Variants in RITA1 observed in about 807,000 individuals in gnomAD.
RITA1 encodes RBPJ interacting and tubulin associated 1.
A neutral mutation model predicts 8.7 loss-of-function variants in RITA1; 15 were observed. That is an observed-to-expected ratio of 1.72 (90% confidence interval 1.15 to 2.65). RITA1 has a LOEUF of 2.65. Ranked by LOEUF, RITA1 falls within the 30% of genes most tolerant of loss-of-function variation. RITA1 has a pLI of 0.00. For missense variants in RITA1, 330 were observed against 363.8 expected (o/e 0.91, Z 0.76); for synonymous variants, 145 against 156.2 (o/e 0.93, Z 0.53).
rs566055262 is a variant in RITA1 at position 113,189,970 on chromosome 12, G to A, written c.303-1340G>A. ...GAGGATTACTTGAGCTCAGGAGTTC[G>A]CAGCTGCAGCGAGCGTCACTGCACT... is the stretch of plus-strand genomic sequence containing the variant. On this transcript the variant is annotated intron_variant, in intron 3 of 3. Transcript: ENST00000548278. Among the ~76,000 whole-genome samples the A allele has an allele frequency of 2.6e-4, 39 of 150,880 alleles. No individual in the cohort carries two copies. In the South Asian group the frequency reaches 8.2e-3, roughly 32 times the overall value.
chr12:113,191,272 C>T lies in RITA1; in HGVS notation c.303-38C>T, dbSNP rs755098626. 1.2e-5 allele frequency: 18 copies of T among 1,492,876 alleles called. No homozygotes were observed. The highest frequency in any genetic ancestry group is 1.3e-5 in the Non-Finnish European group (15 of 1,124,794). The allele number at this position is 1,492,876 out of a possible 1,614,324, so 92.5% of individuals were successfully genotyped here. On this transcript the variant is annotated intron_variant, in intron 3 of 3. Coordinates refer to ENST00000548278, the MANE Select transcript of RITA1 (RefSeq NM_032848.3). This position sits in a 1 kb window ranked among gnomAD's most constrained non-coding sequence, Gnocchi z 4.0. ...GCTGTTAAAGTTTTGAGGGGTTGTTCATCCCCCAGCTCATGGCGTTTATCT... is the reference window on the plus strand; with the variant it reads ...GCTGTTAAAGTTTTGAGGGGTTGTTTATCCCCCAGCTCATGGCGTTTATCT...
At chr12:113,186,567 T>C in intron 2 of RITA1, 116 bp from the exon 3 acceptor site, 6 of 1,407,466 alleles carry the variant, frequency 4.3e-6, no homozygotes, top group South Asian at 1.6e-5. Flanking sequence ...CAGCTCCCCT[T>C]TGAGAGACTG....
At position 113,185,782 on chromosome 12, in the gene RITA1, C is replaced by T; in HGVS notation, c.-436C>T. ...GTGCTGGGTTCTGGGTTTCTGGATTCGCGGGCCGTTCACACGTAGCCTGTG... is the reference window on the plus strand; with the variant it reads ...GTGCTGGGTTCTGGGTTTCTGGATTTGCGGGCCGTTCACACGTAGCCTGTG... On this transcript the variant is annotated 5_prime_UTR_variant, in exon 1 of 4. Coordinates refer to ENST00000548278, the MANE Select transcript of RITA1 (RefSeq NM_032848.3). The T allele has an allele frequency of 1.6e-6, 1 of 612,318 alleles. No individual in the cohort carries two copies. The highest frequency in any genetic ancestry group is 2.8e-6 in the Non-Finnish European group (1 of 352,980). The allele number at this position is 612,318 out of a possible 1,614,324, so 37.9% of individuals were successfully genotyped here. A position where few individuals can be genotyped will look rare whatever the true frequency, so the allele number is the denominator to read the frequency against.
rs779536352 is a variant in RITA1 at position 113,186,821 on chromosome 12, C to G, written c.75C>G (p.Tyr25Ter). Residue 25 changes from tyrosine to a stop codon, truncating the protein, a stop_gained, in exon 3 of 4, where the codon TAC becomes TAG. Transcript: ENST00000548278. LOFTEE classifies it high-confidence loss of function. The part of the protein sequence containing the change: ...LGLQHRCRGG[Y>*]RVKARTSYVD... ...TTCAGCACCGCTGCCGAGGTGGCTA[C>G]CGGGTCAAGGCCAGGACGTCATATG... 1.9e-6 allele frequency: 3 copies of G among 1,613,898 alleles called. No individual in the cohort carries two copies. Among genetic ancestry groups the G allele is most frequent in the Non-Finnish European group, 2.5e-6 (3 of 1,179,986 alleles).
chr12:113,188,787 C>CTTTT lies in RITA1; in HGVS notation c.302+1777_302+1780dup, dbSNP rs760372956. Among the ~76,000 whole-genome samples the CTTTT allele has an allele frequency of 2.5e-4, 18 of 73,190 alleles. 4 individuals are homozygous for CTTTT. Among genetic ancestry groups the CTTTT allele is most frequent in the East Asian group, 1.3e-3 (3 of 2,344 alleles). The allele number at this position is 73,190 out of a possible 152,430, so 48.0% of individuals were successfully genotyped here. On this transcript the variant is annotated intron_variant, in intron 3 of 3. Coordinates refer to ENST00000548278, the MANE Select transcript of RITA1 (RefSeq NM_032848.3). ...TATAATGTTATTTAGCCTTAGTTAC[C>CTTTT]TTTTTTTTTTTTTTTTTTTTTTTTT...
Position 113,186,712 on chromosome 12 carries a change from G to A in RITA1, c.-35G>A, listed in dbSNP as rs1324379426. The A allele has an allele frequency of 1.2e-6, 2 of 1,605,072 alleles. No homozygotes were observed. Among genetic ancestry groups the A allele is most frequent in the South Asian group, 2.2e-5 (2 of 90,808 alleles). On this transcript the variant is annotated 5_prime_UTR_variant, in exon 3 of 4. Transcript: ENST00000548278. ...CCTCGGAAGCAGGGCCTGGCCGGCA[G>A]AGCACACCTGCTGTCACCAGGGACC... is the stretch of plus-strand genomic sequence containing the variant.
At position 113,192,055 on chromosome 12, in the gene RITA1, G is replaced by T. The variant is rs917189271; in HGVS notation, c.*238G>T. 4.5e-5 allele frequency: 24 copies of T among 531,872 alleles called. No homozygotes were observed. Among genetic ancestry groups the T allele is most frequent in the African/African-American group, 2.9e-4 (15 of 52,470 alleles). 32.9% of individuals were successfully genotyped at this position (531,872 alleles called of 1,614,324 possible). On this transcript the variant is annotated 3_prime_UTR_variant, in exon 4 of 4. Transcript: ENST00000548278. ...CTCTAAGATGCCTCTCTCCAGCCCT[G>T]TCTCAACCATACTCCAAATTAGTGC...
At position 113,191,763 on chromosome 12, in the gene RITA1, A is replaced by G. The variant is rs752417975; in HGVS notation, c.756A>G (p.Pro252=). 3.1e-6 allele frequency: 5 copies of G among 1,613,130 alleles called. No individual in the cohort carries two copies. In the East Asian group the frequency reaches 1.1e-4, roughly 36 times the overall value. ...CTCGCTCAGTTAGCATTTCAGTGCC[A>G]TCTACCCCACGACGAGGTGGGGCCA... ...SRARSVSISV[P]STPRRGGATQ... The change falls in exon 4 of 4, where the codon CCA becomes CCG. Residue 252 remains proline (P), a synonymous_variant. Transcript: ENST00000548278. The surrounding 1 kb of genome is among the most constrained non-coding windows in gnomAD (Gnocchi z 4.0).
At position 113,186,771 on chromosome 12, in the gene RITA1, G is replaced by T; in HGVS notation, c.25G>T (p.Val9Phe). 2 of 1,613,430 alleles carry T rather than the reference G, an allele frequency of 1.2e-6. No homozygotes were observed. The highest frequency in any genetic ancestry group is 4.5e-5 in the East Asian group (2 of 44,870). The change falls in exon 3 of 4, where the codon GTC becomes TTC. Residue 9 changes from valine to phenylalanine, a missense_variant. Coordinates refer to ENST00000548278, the MANE Select transcript of RITA1 (RefSeq NM_032848.3). Reference protein sequence around the residue: MKTPVELAVSGMQTLGLQH... With the variant: MKTPVELAFSGMQTLGLQH... ...CATGAAGACCCCCGTGGAGCTGGCCGTCAGTGGGATGCAGACCCTCGGCCT... is the reference window on the plus strand; with the variant it reads ...CATGAAGACCCCCGTGGAGCTGGCCTTCAGTGGGATGCAGACCCTCGGCCT...
Position 113,185,921 on chromosome 12 carries a change from C to A in RITA1, c.-297C>A, listed in dbSNP as rs1952530468. On this transcript the variant is annotated 5_prime_UTR_variant, in exon 1 of 4. Coordinates refer to ENST00000548278, the MANE Select transcript of RITA1 (RefSeq NM_032848.3). Reference sequence around the variant, plus strand: ...AGATTGACGGGGATCCCGGATGCACCGCGCGCCCCCGCGCCCTCACCGACG... The same window carrying A: ...AGATTGACGGGGATCCCGGATGCACAGCGCGCCCCCGCGCCCTCACCGACG... 6.7e-7 allele frequency: 1 copy of A among 1,494,946 alleles called. No homozygotes were observed. Among genetic ancestry groups the A allele is most frequent in the Non-Finnish European group, 9.0e-7 (1 of 1,113,896 alleles). The allele number at this position is 1,494,946 out of a possible 1,614,324, so 92.6% of individuals were successfully genotyped here. A position where few individuals can be genotyped will look rare whatever the true frequency, so the allele number is the denominator to read the frequency against.
rs1381439770 is a variant in RITA1 at position 113,191,095 on chromosome 12, G to C, written c.303-215G>C. Reference sequence around the variant, plus strand: ...GGAATGGGGTCAGGATGCAGGGGCAGTGGATGTTTCGCAGGGAAAATCAGC... The same window carrying C: ...GGAATGGGGTCAGGATGCAGGGGCACTGGATGTTTCGCAGGGAAAATCAGC... On this transcript the variant is annotated intron_variant, in intron 3 of 3. Coordinates refer to ENST00000548278, the MANE Select transcript of RITA1 (RefSeq NM_032848.3). This position sits in a 1 kb window ranked among gnomAD's most constrained non-coding sequence, Gnocchi z 4.0. Among the ~76,000 whole-genome samples the C allele has an allele frequency of 1.3e-5, 2 of 152,224 alleles. No homozygotes were observed. The highest frequency in any genetic ancestry group is 4.8e-5 in the African/African-American group (2 of 41,466).
At chr12:113,190,341 A>T (rs980390744) in intron 3 of RITA1, among the ~76,000 whole-genome samples, 1 of 151,054 alleles carries the variant, frequency 6.6e-6, no homozygotes, top group African/African-American at 2.4e-5. Flanking sequence ...CAGAAAAAAA[A>T]AGAAAAAGAA....
Position 113,185,949 on chromosome 12 carries a change from T to A in RITA1, c.-269T>A, listed in dbSNP as rs1270951549. 5.9e-6 allele frequency: 9 copies of A among 1,534,212 alleles called. No homozygotes were observed. The East Asian group carries it at 1.7e-4, about 29-fold the overall frequency. On this transcript the variant is annotated 5_prime_UTR_variant, in exon 1 of 4. Coordinates refer to ENST00000548278, the MANE Select transcript of RITA1 (RefSeq NM_032848.3). Reference sequence around the variant, plus strand: ...GCGCCCCCGCGCCCTCACCGACGGGTCCAGACCTGGTGGGAAGAAGGTGCG... The same window carrying A: ...GCGCCCCCGCGCCCTCACCGACGGGACCAGACCTGGTGGGAAGAAGGTGCG...
At position 113,191,845 on chromosome 12, in the gene RITA1, G is replaced by A; in HGVS notation, c.*28G>A. 6.4e-7 allele frequency: 1 copy of A among 1,564,518 alleles called. No homozygotes were observed. The highest frequency in any genetic ancestry group is 2.2e-5 in the East Asian group (1 of 44,446). On this transcript the variant is annotated 3_prime_UTR_variant, in exon 4 of 4. Transcript: ENST00000548278. This position sits in a 1 kb window ranked among gnomAD's most constrained non-coding sequence, Gnocchi z 4.0. ...CTCTTTCATCAGGGTTGCCTATGGG[G>A]CCACGGCGACAGGTATGGCCCCTTG... is the stretch of plus-strand genomic sequence containing the variant.
At position 113,191,651 on chromosome 12, in the gene RITA1, C is replaced by T. The variant is rs1421174326; in HGVS notation, c.644C>T (p.Thr215Ile). ...GTCCCCAGCACTGGTCATCCAGCCA[C>T]CAGTGCCCCCCACACAAATGGGCCT... ...LNVPSTGHPA[T>I]SAPHTNGPQD... Residue 215 changes from threonine to isoleucine, a missense_variant, in exon 4 of 4, where the codon ACC becomes ATC. Thr to Ile is a moderately conservative substitution (Grantham distance 89). Transcript: ENST00000548278. The surrounding 1 kb of genome is among the most constrained non-coding windows in gnomAD (Gnocchi z 4.0). 2 of 1,614,180 alleles carry T rather than the reference C, an allele frequency of 1.2e-6. No individual in the cohort carries two copies. The highest frequency in any genetic ancestry group is 3.3e-5 in the Admixed American group (2 of 60,028).
At position 113,191,349 on chromosome 12, in the gene RITA1, G is replaced by A; in HGVS notation, c.342G>A (p.Leu114=). 1 of 1,571,746 alleles carries A rather than the reference G, an allele frequency of 6.4e-7. No homozygotes were observed. Among genetic ancestry groups the A allele is most frequent in the Non-Finnish European group, 8.6e-7 (1 of 1,157,592 alleles). ...CCCCGTCTTACTGTGATGAGTCGCTGTTTGGCTCCCGATCTGAAGGCGCCA... is the reference window on the plus strand; with the variant it reads ...CCCCGTCTTACTGTGATGAGTCGCTATTTGGCTCCCGATCTGAAGGCGCCA... ...SHTPSYCDES[L]FGSRSEGASF... Residue 114 remains leucine, a synonymous_variant, in exon 4 of 4, where the codon CTG becomes CTA. Transcript: ENST00000548278. The surrounding 1 kb of genome is among the most constrained non-coding windows in gnomAD (Gnocchi z 4.0).
At position 113,191,074 on chromosome 12, in the gene RITA1, TG is replaced by T. The variant is rs961317364; in HGVS notation, c.303-232del. Among the ~76,000 whole-genome samples, 41 of 152,158 alleles carry T rather than the reference TG, an allele frequency of 2.7e-4. No individual in the cohort carries two copies. The highest frequency in any genetic ancestry group is 9.6e-4 in the African/African-American group (40 of 41,518). On this transcript the variant is annotated intron_variant, in intron 3 of 3. Coordinates refer to ENST00000548278, the MANE Select transcript of RITA1 (RefSeq NM_032848.3). This position sits in a 1 kb window ranked among gnomAD's most constrained non-coding sequence, Gnocchi z 4.0. ...CAGGCCTGGGGCACATGTCTGGGAA[TG>T]GGGTCAGGATGCAGGGGCAGTGGAT...
chr12:113,191,538 G>A lies in RITA1; in HGVS notation c.531G>A (p.Ala177=), dbSNP rs16942606. The change falls in exon 4 of 4, where the codon GCG becomes GCA. Residue 177 remains alanine (A), a synonymous_variant. Coordinates refer to ENST00000548278, the MANE Select transcript of RITA1 (RefSeq NM_032848.3). This position sits in a 1 kb window ranked among gnomAD's most constrained non-coding sequence, Gnocchi z 4.0. ...AGPSKTEPGP[A]ADSQKLSMGG... is the part of the protein sequence containing the mutation. ...CCTCCAAGACAGAGCCGGGGCCAGCGGCAGACTCCCAGAAGTTATCTATGG... is the reference window on the plus strand; with the variant it reads ...CCTCCAAGACAGAGCCGGGGCCAGCAGCAGACTCCCAGAAGTTATCTATGG... 2.9e-3 allele frequency: 4,605 copies of A among 1,613,370 alleles called. 84 individuals are homozygous for A. The African/African-American group carries it at 0.051, about 18-fold the overall frequency.
chr12:113,191,662 C>G lies in RITA1; in HGVS notation c.655C>G (p.His219Asp), dbSNP rs147110567. ...STGHPATSAP[H>D]TNGPQDLRPS... The stretch of plus-strand genomic sequence containing the variant: ...TGGTCATCCAGCCACCAGTGCCCCC[C>G]ACACAAATGGGCCTCAGGATCTCAG... Residue 219 changes from histidine to aspartate, a missense_variant, in exon 4 of 4, where the codon CAC becomes GAC. By Grantham distance (81) the His-to-Asp change is moderately conservative (BLOSUM62 -1). Transcript: ENST00000548278. The surrounding 1 kb of genome is among the most constrained non-coding windows in gnomAD (Gnocchi z 4.0). The G allele has an allele frequency of 2.0e-5, 33 of 1,614,066 alleles. No individual in the cohort carries two copies. Among genetic ancestry groups the G allele is most frequent in the Non-Finnish European group, 2.6e-5 (31 of 1,180,048 alleles).
Sources: gnomAD v4.1 joint callset for allele counts (sites outside exome capture counted in the v4.1 genomes callset) on GRCh38, gnomAD v4.1.1 for gene constraint, Gnocchi (gnomAD v3.1) non-coding constraint, MANE v1.5 for transcripts, NCBI Gene and HGNC (gene_info 2026-07-23, HGNC 2026-07-21) for gene names.